The following STON2 variants were observed in gnomAD, a reference collection of about 807,000 sequenced individuals.
STON2 encodes stonin-2.
A neutral mutation model predicts 65.7 loss-of-function variants in STON2; 29 were observed. The observed-to-expected ratio is 0.44, with a 90% CI of 0.33 to 0.60. STON2 has a LOEUF of 0.60. Among genes scored for constraint, STON2 ranks in the 20% least tolerant of loss-of-function variants. The pLI is 0.03. For missense variants in STON2, 1,054 were observed against 1,118.1 expected, an observed-to-expected ratio of 0.94 and a Z score of 0.82; for synonymous variants, 404 against 414.2, an observed-to-expected ratio of 0.98 and a Z score of 0.30.
chr14:81,277,105 TG>T lies in STON2; in HGVS notation c.2376del (p.Ser793ValfsTer4). The T allele has an allele frequency of 3.7e-6, 6 of 1,614,192 alleles. No homozygotes were observed. Among genetic ancestry groups the T allele is most frequent in the Non-Finnish European group, 4.2e-6 (5 of 1,180,042 alleles). ...CTGCGGAAGTTTTTCACCCACTCACTGGGCACAGGGTAACGGATCATCACAT... is the reference window on the plus strand; with the variant it reads ...CTGCGGAAGTTTTTCACCCACTCACTGGCACAGGGTAACGGATCATCACAT... ...CENVMIRYPV[P>X]SEWVKNFRRE... On this transcript the variant is annotated frameshift_variant, in exon 6 of 8. Transcript: ENST00000614646. LOFTEE classifies it high-confidence loss of function.
At chr14:81,429,703 G>A (rs1199185260) in intron 1 of STON2, among the ~76,000 whole-genome samples, 2 of 152,190 alleles carry the variant, frequency 1.3e-5, no homozygotes, top group East Asian at 1.9e-4. Context: ...GGAGGCCGAG[G>A]CAGGTGGACC....
At chr14:81,305,843 T>C (rs1413959468) in intron 5 of STON2, among the ~76,000 whole-genome samples, 3 of 151,952 alleles carry the variant, frequency 2.0e-5, no homozygotes, top group Non-Finnish European at 4.4e-5. Flanking sequence ...CACCCTGATG[T>C]AGTCACATGC....
chr14:81,423,025 ACT>A (rs1166416305), intron 2 of STON2, among the ~76,000 whole-genome samples: 1 of 144,098 alleles, frequency 6.9e-6, no homozygotes, highest in African/African-American at 2.8e-5. Context: ...ACAGGGCAAG[ACT>A]CTGTCTCAAA....
At chr14:81,399,381 G>A (rs1306774225) in intron 1 of STON2, among the ~76,000 whole-genome samples, 1 of 152,124 alleles carries the variant, frequency 6.6e-6, no homozygotes, top group Non-Finnish European at 1.5e-5. Flanking sequence ...TGCTTCCATA[G>A]AAGAGCTACT....
At chr14:81,272,499 A>G (rs1315602601) in intron 6 of STON2, among the ~76,000 whole-genome samples, 1 of 152,254 alleles carries the variant, frequency 6.6e-6, no homozygotes, top group African/African-American at 2.4e-5. Flanking sequence ...TGGTCTGGCT[A>G]GGACTTTTCA....
rs1182762046 is a variant in STON2 at position 81,268,243 on chromosome 14, G to A, written c.*171C>T. 8.7e-7 allele frequency: 1 copy of A among 1,152,364 alleles called. No individual in the cohort carries two copies. The highest frequency in any genetic ancestry group is 1.1e-6 in the Non-Finnish European group (1 of 924,380). 71.4% of individuals were successfully genotyped at this position (1,152,364 alleles called of 1,614,324 possible). ...AAAGCCACCATTCTCAGGGTTTCCT[G>A]GTAAAATACAAGTAACTGCAAACAG... On this transcript the variant is annotated 3_prime_UTR_variant, in exon 8 of 8. Coordinates refer to ENST00000614646, the MANE Select transcript of STON2 (RefSeq NM_001394390.1).
chr14:81,277,356 TC>T lies in STON2; in HGVS notation c.2125del (p.Asp709MetfsTer23). 1.2e-6 allele frequency: 2 copies of T among 1,614,156 alleles called. No homozygotes were observed. Among genetic ancestry groups the T allele is most frequent in the Non-Finnish European group, 1.7e-6 (2 of 1,180,020 alleles). Reference protein sequence around the residue: ...LHECRFHGCVDEDVFHNSRVI... With the variant: ...LHECRFHGCVXEDVFHNSRVI... ...CCGTGAGTTGTGGAAAACATCCTCATCCACACACCCATGGAAACGGCACTCA... is the reference window on the plus strand; with the variant it reads ...CCGTGAGTTGTGGAAAACATCCTCATCACACACCCATGGAAACGGCACTCA... On this transcript the variant is annotated frameshift_variant, in exon 6 of 8. Transcript: ENST00000614646. LOFTEE classifies it high-confidence loss of function.
chr14:81,419,351 C>A (rs1173686002), intron 2 of STON2, among the ~76,000 whole-genome samples: 1 of 152,154 alleles, frequency 6.6e-6, no homozygotes, highest in East Asian at 1.9e-4. Context: ...GGATTTAAAC[C>A]CAGAATATAT....
At chr14:81,353,538 A>G (rs1016122107) in intron 4 of STON2, among the ~76,000 whole-genome samples, 6 of 152,222 alleles carry the variant, frequency 3.9e-5, no homozygotes, top group Admixed American at 3.3e-4. Flanking sequence ...ACCTCATGGA[A>G]AGGGTAAGAG....
intron 4 of STON2, among the ~76,000 whole-genome samples, chr14:81,366,355 C>G (rs777020476): frequency 1.3e-5 from 2 of 152,160 alleles, no homozygotes; most frequent in Non-Finnish European, 2.9e-5. Context: ...AGCCCACTAC[C>G]AAGCAAGGGG....
rs1413863460 is a variant in STON2, at chr14:81,436,440, G to GCAGCGCCGACGCCGGCTC, written c.-447_-430dup. ...GCTCTCGCCACGATCCCTCCCGGCC[G>GCAGCGCCGACGCCGGCTC]CAGCGCCGACGCCGGCTCCAGACTC... is the stretch of plus-strand genomic sequence containing the variant. On this transcript the variant is annotated 5_prime_UTR_variant, in exon 1 of 9. Transcript: ENST00000553821. The GCAGCGCCGACGCCGGCTC allele has an allele frequency of 1.4e-4, 22 of 151,774 alleles. No individual in the cohort carries two copies. In the East Asian group the frequency reaches 4.3e-3, roughly 29 times the overall value. The allele number at this position is 151,774 out of a possible 1,614,324, so 9.4% of individuals were successfully genotyped here. A position where few individuals can be genotyped will look rare whatever the true frequency, so the allele number is the denominator to read the frequency against.
chr14:81,292,535 G>C (rs1225464585), intron 5 of STON2, among the ~76,000 whole-genome samples: 1 of 152,128 alleles, frequency 6.6e-6, no homozygotes, highest in African/African-American at 2.4e-5. Flanking sequence ...AGGTCTGATG[G>C]TTTTATAAGG....
At chr14:81,371,324 G>T in intron 3 of STON2, 139 bp from the exon 4 acceptor site, 1 of 753,862 alleles carries the variant, frequency 1.3e-6, no homozygotes, top group South Asian at 1.8e-5. Context: ...CTTGTATGGA[G>T]AGTATCACTC....
At chr14:81,295,929 C>T (rs979099518) in intron 5 of STON2, among the ~76,000 whole-genome samples, 7 of 152,206 alleles carry the variant, frequency 4.6e-5, no homozygotes, top group African/African-American at 1.7e-4. Context: ...ATGTCACCAT[C>T]ATAATGTGTG....
chr14:81,343,948 C>T (rs913008551), intron 4 of STON2, among the ~76,000 whole-genome samples: 3 of 152,190 alleles, frequency 2.0e-5, no homozygotes, highest in African/African-American at 7.2e-5. Context: ...CTGTCAAACT[C>T]TGAACACTAT....
In STON2 at chr14:81,264,900, T is replaced by G; in HGVS notation, c.*3514A>C. Reference sequence around the variant, plus strand: ...ATTGTCTTGTCTGACATGTCATGAGTACATTTCTTATCTTTTTGCTGTAAA... The same window carrying G: ...ATTGTCTTGTCTGACATGTCATGAGGACATTTCTTATCTTTTTGCTGTAAA... On this transcript the variant is annotated 3_prime_UTR_variant, in exon 8 of 8. Coordinates refer to ENST00000614646, the MANE Select transcript of STON2 (RefSeq NM_001394390.1). 4.1e-6 allele frequency: 4 copies of G among 985,386 alleles called. No individual in the cohort carries two copies. Among genetic ancestry groups the G allele is most frequent in the Non-Finnish European group, 4.8e-6 (4 of 829,916 alleles). 61.0% of individuals were successfully genotyped at this position (985,386 alleles called of 1,614,324 possible). A position where few individuals can be genotyped will look rare whatever the true frequency, so the allele number is the denominator to read the frequency against.
intron 2 of STON2, among the ~76,000 whole-genome samples, chr14:81,419,414 T>TTA (rs1208444132): frequency 6.6e-6 from 1 of 152,150 alleles, no homozygotes; most frequent in African/African-American, 2.4e-5. Flanking sequence ...ACATAAAAGT[T>TTA]TATATATATA....
intron 4 of STON2, among the ~76,000 whole-genome samples, chr14:81,369,431 AAGT>A: frequency 1.3e-5 from 2 of 152,178 alleles, no homozygotes; most frequent in East Asian, 3.9e-4. Context: ...TCTAATAAGA[AAGT>A]AGATTAGGCA....
intron 3 of STON2, among the ~76,000 whole-genome samples, chr14:81,392,326 C>G (rs986802741): frequency 1.3e-5 from 2 of 152,120 alleles, no homozygotes; most frequent in African/African-American, 4.8e-5. Context: ...TGTGTGGAAC[C>G]TGGGATTTGG....
Sources: allele counts gnomAD v4.1 joint callset (sites outside exome capture counted in the v4.1 genomes callset), GRCh38; gene constraint gnomAD v4.1.1; transcripts MANE v1.5; gene names NCBI Gene and HGNC (gene_info 2026-07-23, HGNC 2026-07-21).